The following GLIS3 variants were observed in gnomAD, a reference collection of about 807,000 sequenced individuals.
GLIS3 encodes the protein GLIS family zinc finger 3.
Under a neutral mutation model 78.6 loss-of-function variants are expected in GLIS3, and 53 were observed. The observed-to-expected ratio is 0.67, with a 90% CI of 0.54 to 0.85. The LOEUF (loss-of-function observed/expected upper bound fraction) is 0.85. GLIS3 is among the 40% of genes least tolerant of loss of function. The pLI, the probability that GLIS3 is intolerant of heterozygous loss-of-function variation, is 0.00. For missense variants in GLIS3, 1,703 were observed against 1,231.1 expected, an observed-to-expected ratio of 1.38 and a Z score of -5.74; for synonymous variants, 684 against 509.9, an observed-to-expected ratio of 1.34 and a Z score of -4.60.
intron 8 of GLIS3, among the ~76,000 whole-genome samples, chr9:3,859,532 T>C (rs978525695): frequency 6.6e-6 from 1 of 152,236 alleles, no homozygotes; most frequent in African/African-American, 2.4e-5. Context: ...GGATAAATTA[T>C]AGTTATTTGC....
chr9:4,235,677 T>C (rs1294807062), intron 2 of GLIS3, among the ~76,000 whole-genome samples: 1 of 152,040 alleles, frequency 6.6e-6, no homozygotes, highest in Admixed American at 6.6e-5. Flanking sequence ...TGTCAGTGTG[T>C]AAAAACTCCA....
intron 2 of GLIS3, among the ~76,000 whole-genome samples, chr9:4,135,087 C>A (rs1305075447): frequency 1.3e-5 from 2 of 152,066 alleles, no homozygotes; most frequent in Non-Finnish European, 2.9e-5. Context: ...TCATAGACCC[C>A]AAATTATGTT....
At chr9:4,032,321 T>G (rs1424684589) in intron 4 of GLIS3, among the ~76,000 whole-genome samples, 1 of 152,070 alleles carries the variant, frequency 6.6e-6, no homozygotes, top group Non-Finnish European at 1.5e-5. Context: ...AAATCTGCAT[T>G]CCAGCTAGGA....
At chr9:4,243,940 T>C (rs1823564125) in intron 2 of GLIS3, among the ~76,000 whole-genome samples, 1 of 152,248 alleles carries the variant, frequency 6.6e-6, no homozygotes, top group Non-Finnish European at 1.5e-5. Context: ...CTATTCCACT[T>C]TTTTGTATTA....
chr9:4,328,881 G>A (rs920254271), intron 2 of GLIS3, among the ~76,000 whole-genome samples: 31 of 152,150 alleles, frequency 2.0e-4, no homozygotes, highest in Non-Finnish European at 1.6e-4. Flanking sequence ...TATTAGAAGA[G>A]GAGTGTGACT....
At chr9:4,226,686 C>T (rs1821798940) in intron 2 of GLIS3, among the ~76,000 whole-genome samples, 1 of 152,214 alleles carries the variant, frequency 6.6e-6, no homozygotes, top group Admixed American at 6.5e-5. Flanking sequence ...TAGCTGGCTA[C>T]TCCTTATCTG....
the GLIS3 span, among the ~76,000 whole-genome samples, chr9:4,410,574 G>A: frequency 6.6e-6 from 1 of 152,144 alleles, no homozygotes; most frequent in Non-Finnish European, 1.5e-5. Flanking sequence ...AGGTCAGATG[G>A]TTGTACATTT....
At chr9:3,956,028 CAAAAA>C (rs5896037) in intron 4 of GLIS3, among the ~76,000 whole-genome samples, 4 of 87,626 alleles carry the variant, frequency 4.6e-5, no homozygotes, top group Admixed American at 1.3e-4. Context: ...CCAGATTCAG[CAAAAA>C]AAAAAAAAAA....
intron 1 of GLIS3, among the ~76,000 whole-genome samples, chr9:4,290,788 T>G (rs1815890073): frequency 6.6e-6 from 1 of 152,146 alleles, no homozygotes; most frequent in Non-Finnish European, 1.5e-5. Flanking sequence ...CACCAATAAA[T>G]CAAAATTATT....
At chr9:3,970,891 G>T (rs552911930) in intron 4 of GLIS3, among the ~76,000 whole-genome samples, 219 of 152,086 alleles carry the variant, frequency 1.4e-3, no homozygotes, top group Middle Eastern at 0.01. Flanking sequence ...GGCTGTATTT[G>T]CCCTGCTATA....
chr9:4,012,766 T>TTTTTC (rs1822129027), intron 4 of GLIS3, among the ~76,000 whole-genome samples: 1 of 53,654 alleles, frequency 1.9e-5, no homozygotes, highest in African/African-American at 6.9e-5. Flanking sequence ...TTTCTTTTTC[T>TTTTTC]TTTTTTTTTT....
intron 2 of GLIS3, among the ~76,000 whole-genome samples, chr9:4,131,294 C>A (rs999067529): frequency 6.6e-6 from 1 of 152,130 alleles, no homozygotes; most frequent in East Asian, 1.9e-4. Context: ...ACTTTGGAGA[C>A]TGTTGAGATG....
chr9:3,995,539 A>G (rs1301273739), intron 4 of GLIS3, among the ~76,000 whole-genome samples: 1 of 152,146 alleles, frequency 6.6e-6, no homozygotes, highest in Non-Finnish European at 1.5e-5. Flanking sequence ...ATATATAAGT[A>G]TAAATAAATT....
At chr9:3,902,395 G>A (rs936553199) in intron 6 of GLIS3, among the ~76,000 whole-genome samples, 3 of 152,194 alleles carry the variant, frequency 2.0e-5, no homozygotes, top group African/African-American at 7.2e-5. Context: ...GGGTGAGGCA[G>A]GAGGCACATA....
intron 4 of GLIS3, among the ~76,000 whole-genome samples, chr9:3,973,203 C>A (rs538357774): frequency 3.3e-5 from 5 of 152,138 alleles, no homozygotes; most frequent in Non-Finnish European, 5.9e-5. Flanking sequence ...TGATATCCTC[C>A]TGGGATCAAA....
In GLIS3 at chr9:3,977,692, GTTACT is replaced by G. The variant is rs1818907324; in HGVS notation, c.1711-40508_1711-40504del. ...GGCTTAGTTCAAAGATCATAGAGAT[GTTACT>G]TTACTTTAATAGTTCTTTTATACAA... On this transcript the variant is annotated intron_variant, in intron 4 of 10. Transcript: ENST00000381971. This position sits in a 1 kb window ranked among gnomAD's most constrained non-coding sequence, Gnocchi z 4.1. Among the ~76,000 whole-genome samples the G allele has an allele frequency of 1.3e-5, 2 of 152,300 alleles. No individual in the cohort carries two copies. The highest frequency in any genetic ancestry group is 4.1e-4 in the South Asian group (2 of 4,824).
the GLIS3 span, among the ~76,000 whole-genome samples, chr9:4,483,845 T>C: frequency 6.6e-6 from 1 of 152,208 alleles, no homozygotes; most frequent in African/African-American, 2.4e-5. Context: ...CTGAATCTTT[T>C]TGTGCTTCAG....
At chr9:4,324,527 G>C (rs916109585) in intron 2 of GLIS3, among the ~76,000 whole-genome samples, 8 of 152,178 alleles carry the variant, frequency 5.3e-5, no homozygotes, top group Non-Finnish European at 1.0e-4. Flanking sequence ...CATTATGGTA[G>C]TTATTATTAT....
At chr9:4,252,265 T>C (rs1824469786) in intron 2 of GLIS3, among the ~76,000 whole-genome samples, 1 of 152,218 alleles carries the variant, frequency 6.6e-6, no homozygotes, top group Non-Finnish European at 1.5e-5. Context: ...GTTTGGTCTT[T>C]TTACATAGTC....
Sources: allele counts gnomAD v4.1 joint callset (sites outside exome capture counted in the v4.1 genomes callset), GRCh38; gene constraint gnomAD v4.1.1; non-coding constraint Gnocchi (gnomAD v3.1); transcripts MANE v1.5; gene names NCBI Gene and HGNC (gene_info 2026-07-23, HGNC 2026-07-21).